Variants in PLEKHG4B observed in about 807,000 individuals in gnomAD.
PLEKHG4B encodes the protein pleckstrin homology and RhoGEF domain containing G4B, also known as pleckstrin homology domain-containing family G member 4B.
A neutral mutation model predicts 121.3 loss-of-function variants in PLEKHG4B; 111 were observed. That is an observed-to-expected ratio of 0.92 (90% CI 0.78 to 1.07). The LOEUF (loss-of-function observed/expected upper bound fraction) is 1.07, where lower values mean the gene tolerates loss of function less well. Ranked by LOEUF, PLEKHG4B falls within the 50% of genes least tolerant of loss-of-function variation. The pLI is 0.00. For synonymous variants in PLEKHG4B, 738 were observed against 725.0 expected (o/e 1.02, Z -0.29); for missense variants, 1,831 against 1,757.8 (o/e 1.04, Z -0.74).
intron 2 of PLEKHG4B, among the ~76,000 whole-genome samples, chr5:135,063 CCTGTAGTCCCAGCTA>C (rs1474029507): frequency 6.6e-6 from 1 of 151,192 alleles, no homozygotes; most frequent in African/African-American, 2.4e-5. Flanking sequence ...GTGGCGGGCG[CCTGTAGTCCCAGCTA>C]CTGGGAGGCT....
chr5:140,506 C>T lies in PLEKHG4B; in HGVS notation c.1267C>T (p.Arg423Trp), dbSNP rs375540740. 75 of 1,596,588 alleles carry T rather than the reference C, an allele frequency of 4.7e-5. No homozygotes were observed. Among genetic ancestry groups the T allele is most frequent in the African/African-American group, 1.5e-4 (11 of 74,416 alleles). ...SLEKERHTPS[R>W]TGPGAAGRTL... ...AGAGAAGGAGAGGCACACACCCAGC[C>T]GGACAGGTCCAGGAGCTGCAGGGCG... The change falls in exon 3 of 20, where the codon CGG becomes TGG. Residue 423 changes from arginine (R) to tryptophan (W), a missense_variant. Transcript: ENST00000637938.
Position 158,729 on chromosome 5 carries a change from G to A in PLEKHG4B, c.2487+1818G>A, listed in dbSNP as rs544286571. 2.7e-3 allele frequency among the ~76,000 whole-genome samples: 305 copies of A among 113,566 alleles called. 2 individuals are homozygous for A. Among genetic ancestry groups the A allele is most frequent in the African/African-American group, 0.01 (290 of 28,144 alleles). 74.5% of individuals were successfully genotyped at this position (113,566 alleles called of 152,430 possible). A position where few individuals can be genotyped will look rare whatever the true frequency, so the allele number is the denominator to read the frequency against. On this transcript the variant is annotated intron_variant, in intron 11 of 19. Transcript: ENST00000637938. ...GGGTCTCCTTCGTCTTCCCTTCCTCGTTCTACTCCTTCCTGGGGTGTCTCC... is the reference window on the plus strand; with the variant it reads ...GGGTCTCCTTCGTCTTCCCTTCCTCATTCTACTCCTTCCTGGGGTGTCTCC...
chr5:106,928 A>G (rs549086225), intron 1 of PLEKHG4B, among the ~76,000 whole-genome samples: 3 of 152,310 alleles, frequency 2.0e-5, no homozygotes, highest in East Asian at 1.9e-4. Flanking sequence ...GCAGGTGTCT[A>G]GGTACTGTAT....
At chr5:107,634 C>T (rs537159743) in intron 1 of PLEKHG4B, among the ~76,000 whole-genome samples, 9 of 152,368 alleles carry the variant, frequency 5.9e-5, no homozygotes, top group Admixed American at 3.9e-4. Context: ...TGCCCATCCC[C>T]GCCCTGGGTC....
At chr5:121,660 C>T (rs1444039929) in intron 2 of PLEKHG4B, among the ~76,000 whole-genome samples, 2 of 152,120 alleles carry the variant, frequency 1.3e-5, no homozygotes, top group Admixed American at 1.3e-4. Context: ...TGACCGATGA[C>T]TTCCTCAGAA....
chr5:121,380 A>G (rs1421782782), intron 2 of PLEKHG4B, among the ~76,000 whole-genome samples: 1 of 152,246 alleles, frequency 6.6e-6, no homozygotes, highest in Non-Finnish European at 1.5e-5. Context: ...AGACTTGCCA[A>G]AGAAAGTCAT....
At chr5:102,957 T>G (rs10061734) in intron 1 of PLEKHG4B, among the ~76,000 whole-genome samples, 28,544 of 152,086 alleles carry the variant, frequency 0.19, 3,784 homozygotes, top group African/African-American at 0.37. Flanking sequence ...AGCAAATCTG[T>G]TAGAGGCTTC....
chr5:117,624 G>C (rs1055264189), intron 2 of PLEKHG4B, among the ~76,000 whole-genome samples: 7 of 152,182 alleles, frequency 4.6e-5, no homozygotes, highest in African/African-American at 1.7e-4. Context: ...AGGCCGAGGA[G>C]GGTGGATCAC....
chr5:156,026 C>T lies in PLEKHG4B; in HGVS notation c.2209-45C>T, dbSNP rs550749188. On this transcript the variant is annotated intron_variant, in intron 9 of 19. Coordinates refer to ENST00000637938, the MANE Select transcript of PLEKHG4B (RefSeq NM_052909.5). This position sits in a 1 kb window ranked among gnomAD's most constrained non-coding sequence, Gnocchi z 4.4. ...CTGTCACACTTGGGAGGACCTGCCCCTTGGAGGAGGGAGTTAAAGGCTTAT... is the reference window on the plus strand; with the variant it reads ...CTGTCACACTTGGGAGGACCTGCCCTTTGGAGGAGGGAGTTAAAGGCTTAT... 2 of 1,492,706 alleles carry T rather than the reference C, an allele frequency of 1.3e-6. No individual in the cohort carries two copies. Among genetic ancestry groups the T allele is most frequent in the Non-Finnish European group, 1.8e-6 (2 of 1,112,192 alleles). 92.5% of individuals were successfully genotyped at this position (1,492,706 alleles called of 1,614,324 possible).
chr5:169,897 C>A (rs986103977), intron 14 of PLEKHG4B, among the ~76,000 whole-genome samples: 4 of 152,236 alleles, frequency 2.6e-5, no homozygotes, highest in Non-Finnish European at 5.9e-5. Flanking sequence ...TTTACCACTT[C>A]CAGCTGATAG....
chr5:163,353 G>GT lies in PLEKHG4B; in HGVS notation c.3281_3282insT (p.Arg1096GlnfsTer10). On this transcript the variant is annotated frameshift_variant, in exon 13 of 20. Transcript: ENST00000637938. LOFTEE classifies it high-confidence loss of function. Reference sequence around the variant, plus strand: ...TTCGAGATACCTCAGCCCGACAGTGGCCCCAGGGACTCCTGCCAGCCAGAC... The same window carrying GT: ...TTCGAGATACCTCAGCCCGACAGTGGTCCCCAGGGACTCCTGCCAGCCAGAC... 6.2e-7 allele frequency: 1 copy of GT among 1,613,300 alleles called. No homozygotes were observed. Among genetic ancestry groups the GT allele is most frequent in the Non-Finnish European group, 8.5e-7 (1 of 1,180,036 alleles).
chr5:167,903 TA>T (rs1168889135), intron 13 of PLEKHG4B, among the ~76,000 whole-genome samples: 1 of 152,150 alleles, frequency 6.6e-6, no homozygotes, highest in Admixed American at 6.5e-5. Flanking sequence ...TTAGTGGTAA[TA>T]AAAAAATTAA....
chr5:95,510 C>T (rs1733605659), intron 1 of PLEKHG4B, among the ~76,000 whole-genome samples: 1 of 152,328 alleles, frequency 6.6e-6, no homozygotes, highest in African/African-American at 2.4e-5. Flanking sequence ...ACCCGGGCAG[C>T]ACTGCCAGTT....
intron 6 of PLEKHG4B, among the ~76,000 whole-genome samples, chr5:151,116 C>T (rs557906664): frequency 3.0e-4 from 46 of 152,250 alleles, no homozygotes; most frequent in African/African-American, 1.1e-3. Context: ...AAAGGCAAGT[C>T]GGTGGAGACG....
intron 6 of PLEKHG4B, among the ~76,000 whole-genome samples, chr5:150,281 C>G (rs974267760): frequency 6.6e-6 from 1 of 152,212 alleles, no homozygotes; most frequent in African/African-American, 2.4e-5. Context: ...CATTCCACTT[C>G]TATGAGTACT....
chr5:142,978 G>T, intron 3 of PLEKHG4B, 69 bp from the exon 4 acceptor site: 1 of 1,434,924 alleles, frequency 7.0e-7, no homozygotes, highest in South Asian at 1.2e-5. Flanking sequence ...ATAGCAAGCT[G>T]AGCATAGCAG....
Position 184,015 on chromosome 5 carries a change from A to AGATAGATAGATAGAT in PLEKHG4B, c.*1706_*1707insTGATAGATAGATAGA, listed in dbSNP as rs1733533285. On this transcript the variant is annotated 3_prime_UTR_variant, in exon 20 of 20. Transcript: ENST00000637938. ...TCGATAGATAGATAGATAGATAGATAGATAGATAGATAGACTGACAGACAG... is the reference window on the plus strand; with the variant it reads ...TCGATAGATAGATAGATAGATAGATAGATAGATAGATAGATGATAGATAGATAGACTGACAGACAG... The AGATAGATAGATAGAT allele has an allele frequency of 6.7e-6, 1 of 148,990 alleles. No individual in the cohort carries two copies. Among genetic ancestry groups the AGATAGATAGATAGAT allele is most frequent in the African/African-American group, 2.5e-5 (1 of 39,218 alleles). The allele number at this position is 148,990 out of a possible 1,614,324, so 9.2% of individuals were successfully genotyped here.
rs370643554 is a variant in PLEKHG4B at position 174,049 on chromosome 5, G to C, written c.4353G>C (p.Trp1451Cys). Residue 1451 changes from tryptophan to cysteine, a missense_variant, in exon 18 of 20, where the codon TGG becomes TGC. Trp to Cys is a radical substitution (Grantham distance 215). Transcript: ENST00000637938. ...QASSAEVKSA[W>C]TDVIGRILWR... is the part of the protein sequence containing the mutation. Reference sequence around the variant, plus strand: ...GCTCGGCAGAGGTCAAGAGTGCATGGACCGATGTCATAGGGAGGATCCTGT... The same window carrying C: ...GCTCGGCAGAGGTCAAGAGTGCATGCACCGATGTCATAGGGAGGATCCTGT... 3.8e-5 allele frequency: 61 copies of C among 1,601,024 alleles called. No homozygotes were observed. Among genetic ancestry groups the C allele is most frequent in the Non-Finnish European group, 5.0e-5 (59 of 1,174,632 alleles).
chr5:151,465 TA>T, intron 6 of PLEKHG4B, 47 bp from the exon 7 acceptor site: 1 of 1,327,656 alleles, frequency 7.5e-7, no homozygotes, highest in African/African-American at 1.5e-5. Flanking sequence ...TTAATGAAGT[TA>T]AAAATTAGAA....
Sources: gnomAD v4.1 joint callset for allele counts (sites outside exome capture counted in the v4.1 genomes callset) on GRCh38, gnomAD v4.1.1 for gene constraint, Gnocchi (gnomAD v3.1) non-coding constraint, MANE v1.5 for transcripts, NCBI Gene and HGNC (gene_info 2026-07-23, HGNC 2026-07-21) for gene names.